Variants in FZD3 observed in about 807,000 individuals in gnomAD.
The protein encoded by FZD3 is frizzled class receptor 3, also known as frizzled-3.
FZD3 carries 30 observed loss-of-function variants against 60.7 expected under a neutral mutation model. That is an observed-to-expected ratio of 0.49 (90% CI 0.37 to 0.67). The LOEUF (loss-of-function observed/expected upper bound fraction) is 0.67. Ranked by LOEUF, FZD3 falls within the 30% of genes least tolerant of loss-of-function variation. The pLI, the probability that FZD3 is intolerant of heterozygous loss-of-function variation, is 0.00. For synonymous variants in FZD3, 246 were observed against 275.2 expected, an observed-to-expected ratio of 0.89 and a Z score of 1.05; for missense variants, 605 against 838.7, an observed-to-expected ratio of 0.72 and a Z score of 3.44.
At chr8:28,534,468 G>T (rs1804959923) in intron 5 of FZD3, among the ~76,000 whole-genome samples, 1 of 152,142 alleles carries the variant, frequency 6.6e-6, no homozygotes, top group African/African-American at 2.4e-5. Context: ...CAGGAGAATG[G>T]TTTGAGCCCA....
intron 5 of FZD3, among the ~76,000 whole-genome samples, chr8:28,549,823 T>C (rs557519602): frequency 7.2e-5 from 11 of 152,304 alleles, no homozygotes; most frequent in African/African-American, 2.4e-4. Context: ...TTTATGAAGA[T>C]GATCATATGT....
rs1459312985 is a variant in FZD3, at chr8:28,569,067, T to G, written c.*6056T>G. The stretch of plus-strand genomic sequence containing the variant: ...TTTTAAGGTTGATATTTTATCATAT[T>G]CCTGGAGTAGGATGGATTACTTTAT... On this transcript the variant is annotated 3_prime_UTR_variant, in exon 8 of 8. Coordinates refer to ENST00000240093, the MANE Select transcript of FZD3 (RefSeq NM_017412.4). The G allele has an allele frequency of 6.6e-6, 1 of 152,086 alleles. No homozygotes were observed. The highest frequency in any genetic ancestry group is 2.4e-5 in the African/African-American group (1 of 41,454). 9.4% of individuals were successfully genotyped at this position (152,086 alleles called of 1,614,324 possible). A position where few individuals can be genotyped will look rare whatever the true frequency, so the allele number is the denominator to read the frequency against.
chr8:28,528,742 T>A (rs2130379232), intron 5 of FZD3, among the ~76,000 whole-genome samples: 1 of 152,314 alleles, frequency 6.6e-6, no homozygotes, highest in Admixed American at 6.5e-5. Flanking sequence ...TTCTTAAACA[T>A]CTAGTACCTT....
chr8:28,546,947 G>A (rs933827830), intron 5 of FZD3, among the ~76,000 whole-genome samples: 3 of 151,528 alleles, frequency 2.0e-5, no homozygotes, highest in African/African-American at 7.3e-5. Context: ...TCCAGCCTGG[G>A]CGACAGAGCG....
At chr8:28,500,077 A>G (rs1466698210) in intron 2 of FZD3, 99 bp downstream of exon 2, 1 of 152,062 alleles carries the variant, frequency 6.6e-6, no homozygotes, top group Non-Finnish European at 1.5e-5. Flanking sequence ...GTTTTGGGGG[A>G]AATGAAAATT....
At chr8:28,559,030 G>GA (rs1393218445) in intron 7 of FZD3, among the ~76,000 whole-genome samples, 1 of 152,174 alleles carries the variant, frequency 6.6e-6, no homozygotes, top group Non-Finnish European at 1.5e-5. Context: ...AGAACTGCAG[G>GA]AAAGAGAAAG....
At chr8:28,531,267 G>A (rs1005038543) in intron 5 of FZD3, among the ~76,000 whole-genome samples, 1 of 152,020 alleles carries the variant, frequency 6.6e-6, no homozygotes, top group Admixed American at 6.6e-5. Context: ...GTATATATGT[G>A]AGATCATTCT....
intron 7 of FZD3, among the ~76,000 whole-genome samples, chr8:28,558,788 C>T (rs117218564): frequency 0.02 from 3,078 of 152,042 alleles, 41 homozygotes; most frequent in Non-Finnish European, 0.027. Flanking sequence ...TACCTATGCA[C>T]GTGGCATACT....
intron 3 of FZD3, among the ~76,000 whole-genome samples, chr8:28,509,369 A>G (rs1804225190): frequency 6.6e-6 from 1 of 151,618 alleles, no homozygotes; most frequent in South Asian, 2.1e-4. Flanking sequence ...ACCTTTTTTG[A>G]TACAGTTATA....
Position 28,555,859 on chromosome 8 carries a change from C to T in FZD3, c.1675C>T (p.His559Tyr), listed in dbSNP as rs778293761. The change falls in exon 7 of 8, where the codon CAT becomes TAT. Residue 559 changes from histidine to tyrosine, a missense_variant. Transcript: ENST00000240093. ...AACTTCCACTCAAGGAACATCCACC[C>T]ATGCTTCTTCAACTCAGCTGGCTAT... The part of the protein sequence containing the change: ...RGTSTQGTST[H>Y]ASSTQLAMVD... 26 of 1,612,962 alleles carry T rather than the reference C, an allele frequency of 1.6e-5. No homozygotes were observed. Among genetic ancestry groups the T allele is most frequent in the Non-Finnish European group, 1.9e-5 (22 of 1,179,076 alleles).
At position 28,564,053 on chromosome 8, in the gene FZD3, A is replaced by G. The variant is rs572767614; in HGVS notation, c.*1042A>G. 2 of 152,600 alleles carry G rather than the reference A, an allele frequency of 1.3e-5. No individual in the cohort carries two copies. Among genetic ancestry groups the G allele is most frequent in the African/African-American group, 2.4e-5 (1 of 41,442 alleles). The allele number at this position is 152,600 out of a possible 1,614,324, so 9.5% of individuals were successfully genotyped here. A position where few individuals can be genotyped will look rare whatever the true frequency, so the allele number is the denominator to read the frequency against. ...GCCAGTAGGCTACAGCTTTTGCCCC[A>G]CACCCTTATTTTCAGATTCTGGATC... is the stretch of plus-strand genomic sequence containing the variant. On this transcript the variant is annotated 3_prime_UTR_variant, in exon 8 of 8. Transcript: ENST00000240093.
chr8:28,501,115 G>A (rs917528532), intron 2 of FZD3, among the ~76,000 whole-genome samples: 1 of 152,164 alleles, frequency 6.6e-6, no homozygotes, highest in East Asian at 1.9e-4. Flanking sequence ...AAAGAAATAT[G>A]GCAGGCCAAG....
intron 3 of FZD3, among the ~76,000 whole-genome samples, chr8:28,518,702 T>C (rs549075183): frequency 6.6e-6 from 1 of 152,328 alleles, no homozygotes; most frequent in East Asian, 1.9e-4. Context: ...TTCTTTCATT[T>C]CCCATTTTGT....
intron 2 of FZD3, among the ~76,000 whole-genome samples, chr8:28,502,131 G>A (rs966095990): frequency 6.6e-6 from 1 of 152,100 alleles, no homozygotes; most frequent in Non-Finnish European, 1.5e-5. Flanking sequence ...AAAATTCTAG[G>A]TACATAGAAG....
At chr8:28,552,759 T>C (rs1805436850) in intron 6 of FZD3, among the ~76,000 whole-genome samples, 1 of 152,190 alleles carries the variant, frequency 6.6e-6, no homozygotes, top group Non-Finnish European at 1.5e-5. Context: ...ACAATTTCTG[T>C]TATACAAATT....
In FZD3 at chr8:28,551,900, G is replaced by A. The variant is rs1805418188; in HGVS notation, c.1553+149G>A. On this transcript the variant is annotated intron_variant, in intron 6 of 7. Transcript: ENST00000240093. The stretch of plus-strand genomic sequence containing the variant: ...GTATCCAGTTATGATTGGCACAGTA[G>A]CATGTCTTAATTTAAAACTAAAAAC... The A allele has an allele frequency of 6.1e-6, 4 of 658,276 alleles. No individual in the cohort carries two copies. The South Asian group carries it at 8.8e-5, about 15-fold the overall frequency. The allele number at this position is 658,276 out of a possible 1,614,324, so 40.8% of individuals were successfully genotyped here. A position where few individuals can be genotyped will look rare whatever the true frequency, so the allele number is the denominator to read the frequency against.
At chr8:28,562,537 G>A (rs1805631697) in intron 7 of FZD3, among the ~76,000 whole-genome samples, 1 of 152,112 alleles carries the variant, frequency 6.6e-6, no homozygotes, top group Non-Finnish European at 1.5e-5. Flanking sequence ...CTTCAAATCG[G>A]TCAGCCTTAT....
intron 6 of FZD3, 126 bp downstream of exon 6, chr8:28,551,877 A>G (rs1285750596): frequency 3.8e-6 from 3 of 781,320 alleles, no homozygotes; most frequent in Non-Finnish European, 6.1e-6. Context: ...TTTCAGCAGT[A>G]TCCAGTTATG....
At chr8:28,521,473 G>A (rs1402593042) in intron 4 of FZD3, among the ~76,000 whole-genome samples, 2 of 152,052 alleles carry the variant, frequency 1.3e-5, no homozygotes, top group Non-Finnish European at 2.9e-5. Flanking sequence ...GAATACTTAT[G>A]TATCTATTAT....
Sources: gnomAD v4.1 joint callset for allele counts (sites outside exome capture counted in the v4.1 genomes callset) on GRCh38, gnomAD v4.1.1 for gene constraint, MANE v1.5 for transcripts, NCBI Gene and HGNC (gene_info 2026-07-23, HGNC 2026-07-21) for gene names.